The following MDGA2 variants were observed in gnomAD, a reference collection of about 807,000 sequenced individuals.
The protein encoded by MDGA2 is MAM domain-containing glycosylphosphatidylinositol anchor protein 2.
Under a neutral mutation model 117.8 loss-of-function variants are expected in MDGA2, and 40 were observed. That is an observed-to-expected ratio of 0.34 (90% confidence interval 0.26 to 0.44). MDGA2 has a LOEUF of 0.44. Among genes scored for constraint, MDGA2 ranks in the 20% least tolerant of loss-of-function variants. The probability of loss-of-function intolerance (pLI) is 1.00; values close to 1 mark genes in which losing one functional copy is unlikely to be tolerated. For synonymous variants in MDGA2, 452 were observed against 439.0 expected (o/e 1.03, Z -0.37); for missense variants, 1,123 against 1,250.6 (o/e 0.90, Z 1.54).
At chr14:46,850,345 C>T (rs747760010) in intron 15 of MDGA2, among the ~76,000 whole-genome samples, 13 of 151,798 alleles carry the variant, frequency 8.6e-5, no homozygotes, top group Admixed American at 7.9e-4. Context: ...CTACATGAAT[C>T]ACGAATGTGT....
At chr14:47,101,074 A>ATGAT (rs1443694996) in intron 5 of MDGA2, among the ~76,000 whole-genome samples, 228 of 129,104 alleles carry the variant, frequency 1.8e-3, no homozygotes, top group East Asian at 5.3e-3. Context: ...GAATGGAGGG[A>ATGAT]CGATAGATAG....
intron 1 of MDGA2, chr14:47,343,171 T>C (rs7161720): frequency 3.0e-5 from 35 of 1,156,976 alleles, no homozygotes; most frequent in Non-Finnish European, 3.5e-5. Context: ...TTTCCACTTA[T>C]CATTCTGGTA....
intron 6 of MDGA2, among the ~76,000 whole-genome samples, chr14:47,086,550 G>C (rs576073685): frequency 6.6e-6 from 1 of 152,024 alleles, no homozygotes; most frequent in South Asian, 2.1e-4. Context: ...TCATAGAATA[G>C]AATGTACCCA....
intron 1 of MDGA2, among the ~76,000 whole-genome samples, chr14:47,402,753 A>G (rs147777023): frequency 2.6e-5 from 4 of 152,240 alleles, no homozygotes; most frequent in African/African-American, 9.6e-5. Context: ...GAATAGGGAA[A>G]TTACAACTGA....
At chr14:46,949,787 T>C (rs1452034231) in intron 9 of MDGA2, among the ~76,000 whole-genome samples, 1 of 152,042 alleles carries the variant, frequency 6.6e-6, no homozygotes, top group Admixed American at 6.6e-5. Context: ...ATGACTTTGC[T>C]ATTGTAAATA....
In MDGA2 at chr14:47,449,015, T is replaced by C. The variant is rs558711846; in HGVS notation, c.281-147465A>G. Among the ~76,000 whole-genome samples, 9 of 152,262 alleles carry C rather than the reference T, an allele frequency of 5.9e-5. No individual in the cohort carries two copies. The East Asian group carries it at 1.7e-3, about 29-fold the overall frequency. Reference sequence around the variant, plus strand: ...TTGTGTTGGTAGAAACAGATGATAATAGGTGAAAAGAAAGCATTTCTCCAG... The same window carrying C: ...TTGTGTTGGTAGAAACAGATGATAACAGGTGAAAAGAAAGCATTTCTCCAG... On this transcript the variant is annotated intron_variant, in intron 1 of 16. Transcript: ENST00000399232.
At chr14:46,883,671 T>C (rs540351565) in intron 10 of MDGA2, among the ~76,000 whole-genome samples, 15 of 152,096 alleles carry the variant, frequency 9.9e-5, no homozygotes, top group Non-Finnish European at 1.8e-4. Flanking sequence ...TCCATATGCA[T>C]ATACACTTGA....
Position 47,270,024 on chromosome 14 carries a change from T to C in MDGA2, c.420+31387A>G, listed in dbSNP as rs137967745. ...AAAGTGAAAGCACAGCGTGGAGCCA[T>C]TTCCATTAAAGGAATATGAAATTCC... On this transcript the variant is annotated intron_variant, in intron 2 of 16. Transcript: ENST00000399232. 2.2e-3 allele frequency among the ~76,000 whole-genome samples: 337 copies of C among 152,258 alleles called. 2 individuals are homozygous for C. Among genetic ancestry groups the C allele is most frequent in the African/African-American group, 7.6e-3 (317 of 41,540 alleles).
chr14:47,200,059 T>C (rs1464439229), intron 3 of MDGA2, among the ~76,000 whole-genome samples: 1 of 151,898 alleles, frequency 6.6e-6, no homozygotes, highest in African/African-American at 2.4e-5. Flanking sequence ...GAGCTGTTAA[T>C]AGAGAAAAAA....
chr14:47,155,491 C>T (rs189391837), intron 3 of MDGA2, among the ~76,000 whole-genome samples: 2 of 152,236 alleles, frequency 1.3e-5, no homozygotes, highest in Admixed American at 1.3e-4. Context: ...TTCTGGGTAC[C>T]ACCATGTTCC....
rs147840942 is a variant in MDGA2 at position 47,072,924 on chromosome 14, T to G, written c.1196-11346A>C. ...GCCTGTTAATCCTAATTATAACATTTGAAATGTTATTTAAACGTAACTCCC... is the reference window on the plus strand; with the variant it reads ...GCCTGTTAATCCTAATTATAACATTGGAAATGTTATTTAAACGTAACTCCC... On this transcript the variant is annotated intron_variant, in intron 6 of 16. Coordinates refer to ENST00000399232, the MANE Select transcript of MDGA2 (RefSeq NM_001113498.3). Among the ~76,000 whole-genome samples the G allele has an allele frequency of 3.4e-3, 519 of 152,344 alleles. 3 individuals carry two copies. The highest frequency in any genetic ancestry group is 0.024 in the Middle Eastern group (7 of 294).
intron 1 of MDGA2, among the ~76,000 whole-genome samples, chr14:47,494,467 C>T (rs142200646): frequency 1.3e-5 from 2 of 152,274 alleles, no homozygotes; most frequent in African/African-American, 4.8e-5. Context: ...CAAATATTTT[C>T]TCCCATTCTT....
intron 1 of MDGA2, among the ~76,000 whole-genome samples, chr14:47,664,999 T>C (rs532201113): frequency 6.6e-6 from 1 of 152,190 alleles, no homozygotes; most frequent in Non-Finnish European, 1.5e-5. Flanking sequence ...TAAAATTGTA[T>C]GATGACACAG....
chr14:47,108,347 C>T (rs2139042457), intron 5 of MDGA2, among the ~76,000 whole-genome samples: 1 of 152,328 alleles, frequency 6.6e-6, no homozygotes, highest in South Asian at 2.1e-4. Flanking sequence ...CAAGCCATCG[C>T]ATCCCCTGTG....
At chr14:46,975,986 C>T (rs1414415210) in intron 8 of MDGA2, among the ~76,000 whole-genome samples, 1 of 152,086 alleles carries the variant, frequency 6.6e-6, no homozygotes, top group Non-Finnish European at 1.5e-5. Flanking sequence ...CCTTCTAATA[C>T]CTAACCACGT....
At chr14:47,095,624 T>A (rs564660084) in intron 6 of MDGA2, among the ~76,000 whole-genome samples, 2 of 151,850 alleles carry the variant, frequency 1.3e-5, no homozygotes, top group South Asian at 4.1e-4. Context: ...TAATCATACA[T>A]GTTATACATG....
chr14:47,453,550 C>T (rs976767999), intron 1 of MDGA2, among the ~76,000 whole-genome samples: 1 of 152,106 alleles, frequency 6.6e-6, no homozygotes, highest in African/African-American at 2.4e-5. Flanking sequence ...CTGTTTTACT[C>T]ATTTCTCACT....
intron 1 of MDGA2, among the ~76,000 whole-genome samples, chr14:47,656,488 G>C (rs1594966400): frequency 6.6e-6 from 1 of 152,154 alleles, no homozygotes; most frequent in African/African-American, 2.4e-5. Context: ...ATGGGGTACA[G>C]CTTCAGGGAC....
chr14:47,517,609 G>A (rs898040000), intron 1 of MDGA2, among the ~76,000 whole-genome samples: 5 of 151,986 alleles, frequency 3.3e-5, no homozygotes, highest in African/African-American at 1.2e-4. Context: ...AAAGATAGAG[G>A]CAATGTACTC....
Sources: allele counts gnomAD v4.1 joint callset (sites outside exome capture counted in the v4.1 genomes callset), GRCh38; gene constraint gnomAD v4.1.1; transcripts MANE v1.5; gene names NCBI Gene and HGNC (gene_info 2026-07-23, HGNC 2026-07-21).